The following NKAIN2 variants were observed in gnomAD, a reference collection of about 807,000 sequenced individuals.
NKAIN2 encodes sodium/potassium transporting ATPase interacting 2.
Under a neutral mutation model 32.6 loss-of-function variants are expected in NKAIN2, and 14 were observed. That is an observed-to-expected ratio of 0.43 (90% CI 0.28 to 0.67). The LOEUF (loss-of-function observed/expected upper bound fraction) is 0.67. Among genes scored for constraint, NKAIN2 ranks in the 30% least tolerant of loss-of-function variants. The probability of loss-of-function intolerance (pLI) is 0.17; values close to 1 mark genes in which losing one functional copy is unlikely to be tolerated. For missense variants in NKAIN2, 198 were observed against 258.3 expected (o/e 0.77, Z 1.60); for synonymous variants, 80 against 87.2 (o/e 0.92, Z 0.46).
At chr6:124,609,020 CTG>C (rs1274856541) in intron 3 of NKAIN2, among the ~76,000 whole-genome samples, 1 of 152,116 alleles carries the variant, frequency 6.6e-6, no homozygotes, top group East Asian at 1.9e-4. Flanking sequence ...TGGTGAGACT[CTG>C]TGGGAGTATT....
At chr6:123,868,963 C>T (rs1473905053) in intron 1 of NKAIN2, among the ~76,000 whole-genome samples, 3 of 152,114 alleles carry the variant, frequency 2.0e-5, no homozygotes, top group African/African-American at 7.2e-5. Flanking sequence ...TTAATGAAGT[C>T]TGTACATTCA....
intron 4 of NKAIN2, among the ~76,000 whole-genome samples, chr6:124,687,453 A>G (rs1424867261): frequency 1.4e-5 from 2 of 144,736 alleles, no homozygotes; most frequent in Non-Finnish European, 3.0e-5. Flanking sequence ...CATGGTATAT[A>G]TTCCATATAT....
chr6:123,887,126 G>A (rs1375772622), intron 1 of NKAIN2, among the ~76,000 whole-genome samples: 1 of 152,080 alleles, frequency 6.6e-6, no homozygotes, highest in Non-Finnish European at 1.5e-5. Flanking sequence ...TTTCTTTCGA[G>A]CATTACAAAC....
At chr6:124,233,371 T>C (rs1323652940) in intron 1 of NKAIN2, among the ~76,000 whole-genome samples, 1 of 152,160 alleles carries the variant, frequency 6.6e-6, no homozygotes, top group African/African-American at 2.4e-5. Flanking sequence ...CTTTAGCAAG[T>C]TGGTGAGTTT....
intron 1 of NKAIN2, among the ~76,000 whole-genome samples, chr6:123,808,906 G>T (rs899561876): frequency 2.6e-5 from 4 of 152,052 alleles, no homozygotes; most frequent in Non-Finnish European, 4.4e-5. Flanking sequence ...TTTAATATGT[G>T]TGTGCTTGAG....
intron 1 of NKAIN2, among the ~76,000 whole-genome samples, chr6:124,049,764 C>T (rs757366338): frequency 8.5e-5 from 13 of 152,144 alleles, no homozygotes; most frequent in Non-Finnish European, 1.3e-4. Context: ...CCATTAGCCA[C>T]ATAGTCGCTG....
intron 3 of NKAIN2, among the ~76,000 whole-genome samples, chr6:124,370,657 T>C (rs1799722150): frequency 6.6e-6 from 1 of 152,106 alleles, no homozygotes; most frequent in Non-Finnish European, 1.5e-5. Context: ...AGGGATACTC[T>C]GTTTCTTTTC....
intron 5 of NKAIN2, among the ~76,000 whole-genome samples, chr6:124,805,739 GA>G (rs746533314): frequency 1.5e-3 from 225 of 152,190 alleles, no homozygotes; most frequent in Non-Finnish European, 2.0e-3. Context: ...TAAAAACATT[GA>G]AAAAAATTTA....
At chr6:123,876,115 A>G (rs1232922569) in intron 1 of NKAIN2, among the ~76,000 whole-genome samples, 1 of 152,038 alleles carries the variant, frequency 6.6e-6, no homozygotes, top group African/African-American at 2.4e-5. Flanking sequence ...CTGAGACCCT[A>G]TTTATTTCTT....
chr6:124,483,530 A>C (rs964105639), intron 3 of NKAIN2, among the ~76,000 whole-genome samples: 1 of 152,142 alleles, frequency 6.6e-6, no homozygotes, highest in African/African-American at 2.4e-5. Flanking sequence ...TTTTAGTTTA[A>C]ACCTAGAAAA....
chr6:124,450,136 A>T (rs1336768), intron 3 of NKAIN2, among the ~76,000 whole-genome samples: 10,833 of 152,028 alleles, frequency 0.071, 499 homozygotes, highest in African/African-American at 0.097. Flanking sequence ...ATTAACTGCA[A>T]AGTCAGTATT....
At chr6:123,939,504 T>G (rs1776718999) in intron 1 of NKAIN2, among the ~76,000 whole-genome samples, 1 of 151,984 alleles carries the variant, frequency 6.6e-6, no homozygotes, top group South Asian at 2.1e-4. Flanking sequence ...ATGTGACTCA[T>G]GGATAGATAC....
At chr6:124,578,781 T>A (rs1044484373) in intron 3 of NKAIN2, among the ~76,000 whole-genome samples, 1 of 152,110 alleles carries the variant, frequency 6.6e-6, no homozygotes, top group Non-Finnish European at 1.5e-5. Flanking sequence ...GCTTCAGGTC[T>A]GACCCAGCAC....
rs140403382 is a variant in NKAIN2 at position 124,219,670 on chromosome 6, AT to A, written c.55-63334del. ...ATTTTAAAAATTCATAAGAAATACT[AT>A]GTTAATCTTACTATGATGAAGTATT... On this transcript the variant is annotated intron_variant, in intron 1 of 6. Coordinates refer to ENST00000368417, the MANE Select transcript of NKAIN2 (RefSeq NM_001040214.3). 5.0e-3 allele frequency among the ~76,000 whole-genome samples: 765 copies of A among 152,226 alleles called. 6 individuals are homozygous for A. Among genetic ancestry groups the A allele is most frequent in the African/African-American group, 0.018 (733 of 41,548 alleles).
chr6:124,714,614 C>T lies in NKAIN2; in HGVS notation c.474+56228C>T, dbSNP rs550567410. On this transcript the variant is annotated intron_variant, in intron 4 of 6. Coordinates refer to ENST00000368417, the MANE Select transcript of NKAIN2 (RefSeq NM_001040214.3). ...AAGCCTTTGCAGTCTTCCCTACAAACGAAAGTAAGAGAAGTTTCGCAGGCC... is the reference window on the plus strand; with the variant it reads ...AAGCCTTTGCAGTCTTCCCTACAAATGAAAGTAAGAGAAGTTTCGCAGGCC... Among the ~76,000 whole-genome samples the T allele has an allele frequency of 5.9e-5, 9 of 152,260 alleles. No homozygotes were observed. The South Asian group carries it at 1.2e-3, about 21-fold the overall frequency.
chr6:124,136,610 A>G (rs1386820770), intron 1 of NKAIN2, among the ~76,000 whole-genome samples: 11 of 152,174 alleles, frequency 7.2e-5, no homozygotes, highest in Non-Finnish European at 4.4e-5. Flanking sequence ...ATCCTCAATA[A>G]AATACTGGCT....
intron 3 of NKAIN2, among the ~76,000 whole-genome samples, chr6:124,497,818 A>G (rs1019417568): frequency 2.7e-5 from 3 of 111,178 alleles, no homozygotes; most frequent in Middle Eastern, 4.0e-3. Context: ...TTTCTAGAGT[A>G]AGGGGTAAAA....
intron 2 of NKAIN2, among the ~76,000 whole-genome samples, chr6:124,345,502 C>G (rs1323673715): frequency 2.0e-5 from 3 of 151,994 alleles, no homozygotes; most frequent in Non-Finnish European, 4.4e-5. Flanking sequence ...ATTATTGCCA[C>G]AATTTCAGAT....
rs141494396 is a variant in NKAIN2 at position 124,409,157 on chromosome 6, C to T, written c.273+53810C>T. Among the ~76,000 whole-genome samples, 1,182 of 152,242 alleles carry T rather than the reference C, an allele frequency of 7.8e-3. 19 individuals are homozygous for T. The highest frequency in any genetic ancestry group is 0.027 in the African/African-American group (1,138 of 41,534). On this transcript the variant is annotated intron_variant, in intron 3 of 6. Coordinates refer to ENST00000368417, the MANE Select transcript of NKAIN2 (RefSeq NM_001040214.3). ...TCTGCGAACAGGGACAATTTGACTTCCTCTTTTCCTAACTGAATGCCGTTT... is the reference window on the plus strand; with the variant it reads ...TCTGCGAACAGGGACAATTTGACTTTCTCTTTTCCTAACTGAATGCCGTTT...
Sources: gnomAD v4.1 joint callset for allele counts (sites outside exome capture counted in the v4.1 genomes callset) on GRCh38, gnomAD v4.1.1 for gene constraint, MANE v1.5 for transcripts, NCBI Gene and HGNC (gene_info 2026-07-23, HGNC 2026-07-21) for gene names.